Variants in SNX29 observed in about 807,000 individuals in gnomAD.
The protein encoded by SNX29 is sorting nexin 29.
SNX29 carries 78 observed loss-of-function variants against 102.1 expected under a neutral mutation model. That is an observed-to-expected ratio of 0.76 (90% CI 0.64 to 0.92). The LOEUF is 0.92. SNX29 is among the 40% of genes least tolerant of loss of function. SNX29 has a pLI of 0.00. For synonymous variants in SNX29, 580 were observed against 414.5 expected (o/e 1.40, Z -4.85); for missense variants, 1,280 against 1,061.7 (o/e 1.21, Z -2.86).
chr16:12,560,422 G>T (rs887079638), intron 20 of SNX29, among the ~76,000 whole-genome samples: 5 of 152,174 alleles, frequency 3.3e-5, no homozygotes, highest in Non-Finnish European at 7.3e-5. Context: ...TGTCTGTCCT[G>T]TAGGCATCCA....
chr16:12,179,502 A>C (rs1360720721), intron 13 of SNX29, among the ~76,000 whole-genome samples: 1 of 152,238 alleles, frequency 6.6e-6, no homozygotes, highest in African/African-American at 2.4e-5. Flanking sequence ...ACAAACTGGC[A>C]TATGTTTCCC....
At chr16:12,125,326 A>G (rs928195335) in intron 11 of SNX29, among the ~76,000 whole-genome samples, 4 of 152,140 alleles carry the variant, frequency 2.6e-5, no homozygotes, top group African/African-American at 9.7e-5. Context: ...GGAAGGTCTG[A>G]CAGCTCGTCT....
chr16:12,429,106 T>A (rs546192222), intron 18 of SNX29, among the ~76,000 whole-genome samples: 1 of 152,332 alleles, frequency 6.6e-6, no homozygotes, highest in Admixed American at 6.5e-5. Flanking sequence ...CAGATACGAT[T>A]GCGATTAATA....
chr16:12,403,934 G>C (rs1039391072), intron 18 of SNX29, among the ~76,000 whole-genome samples: 1 of 152,142 alleles, frequency 6.6e-6, no homozygotes, highest in Non-Finnish European at 1.5e-5. Context: ...CCAGCTGTCC[G>C]TGGGTTGACA....
At chr16:12,482,313 C>A (rs916863652) in intron 19 of SNX29, among the ~76,000 whole-genome samples, 1 of 151,460 alleles carries the variant, frequency 6.6e-6, no homozygotes, top group African/African-American at 2.4e-5. Flanking sequence ...TTTTCCCTTC[C>A]TTTCCTTTCA....
intron 20 of SNX29, among the ~76,000 whole-genome samples, chr16:12,541,376 G>A (rs576030740): frequency 6.6e-6 from 1 of 152,302 alleles, no homozygotes; most frequent in Non-Finnish European, 1.5e-5. Context: ...TATGAGGGCA[G>A]TTACCATGTG....
At chr16:12,507,568 C>T (rs573847617) in intron 19 of SNX29, among the ~76,000 whole-genome samples, 53 of 151,800 alleles carry the variant, frequency 3.5e-4, no homozygotes, top group Non-Finnish European at 6.5e-4. Context: ...TGAGCCTTCA[C>T]CATCCCCTGG....
chr16:12,552,346 G>A (rs896848990), intron 20 of SNX29, among the ~76,000 whole-genome samples: 1 of 152,098 alleles, frequency 6.6e-6, no homozygotes, highest in Non-Finnish European at 1.5e-5. Context: ...CTTCTGTGAG[G>A]GTTTAATAAG....
At chr16:12,026,199 G>A (rs985366400) in intron 3 of SNX29, among the ~76,000 whole-genome samples, 6 of 152,304 alleles carry the variant, frequency 3.9e-5, no homozygotes, top group South Asian at 2.1e-4. Context: ...TATCCAGCTC[G>A]TAATTCCAAG....
intron 14 of SNX29, among the ~76,000 whole-genome samples, chr16:12,254,656 AAG>A (rs904038633): frequency 3.9e-5 from 6 of 151,954 alleles, no homozygotes; most frequent in Non-Finnish European, 7.4e-5. Context: ...AAAAAAAAAA[AAG>A]GTGAAGGACT....
Position 12,111,281 on chromosome 16 carries a change from C to A in SNX29, c.1403-15352C>A, listed in dbSNP as rs1567215603. 3.3e-5 allele frequency among the ~76,000 whole-genome samples: 5 copies of A among 152,190 alleles called. No individual in the cohort carries two copies. In the South Asian group the frequency reaches 1.0e-3, roughly 32 times the overall value. Reference sequence around the variant, plus strand: ...AGTCAGCTCACTTCCCTGCCCAGCACCCTGCTGTGGCCTCGTTCTGCACTT... The same window carrying A: ...AGTCAGCTCACTTCCCTGCCCAGCAACCTGCTGTGGCCTCGTTCTGCACTT... On this transcript the variant is annotated intron_variant, in intron 11 of 20. Coordinates refer to ENST00000566228, the MANE Select transcript of SNX29 (RefSeq NM_032167.5).
intron 20 of SNX29, chr16:12,546,204 C>T (rs12929685): frequency 0.27 from 41,159 of 152,026 alleles, 6,445 homozygotes; most frequent in East Asian, 0.51. Context: ...TAACGAGGGA[C>T]GTAGGAGGTA....
chr16:12,443,651 A>G (rs2085909629), intron 18 of SNX29, among the ~76,000 whole-genome samples: 2 of 152,268 alleles, frequency 1.3e-5, no homozygotes, highest in East Asian at 1.9e-4. Flanking sequence ...GGTTTTCACT[A>G]TGTTGACCAG....
intron 15 of SNX29, among the ~76,000 whole-genome samples, chr16:12,324,782 AC>A (rs2081067358): frequency 6.6e-6 from 1 of 152,038 alleles, no homozygotes; most frequent in African/African-American, 2.4e-5. Context: ...GGGCCTCCTG[AC>A]CCAGCAATCC....
rs533877939 is a variant in SNX29 at position 12,516,586 on chromosome 16, T to G, written c.2179-8116T>G. On this transcript the variant is annotated intron_variant, in intron 19 of 20. Coordinates refer to ENST00000566228, the MANE Select transcript of SNX29 (RefSeq NM_032167.5). Reference sequence around the variant, plus strand: ...CAACATTCTAGAATTCTCTAGCCAGTGACAAGTTCCTATATCAGCTGACTC... The same window carrying G: ...CAACATTCTAGAATTCTCTAGCCAGGGACAAGTTCCTATATCAGCTGACTC... 4.6e-5 allele frequency among the ~76,000 whole-genome samples: 7 copies of G among 151,876 alleles called. 1 individual carries two copies. In the South Asian group the frequency reaches 1.5e-3, roughly 32 times the overall value.
Position 12,573,571 on chromosome 16 carries a change from A to C in SNX29, c.*4942A>C, listed in dbSNP as rs1243882795. On this transcript the variant is annotated 3_prime_UTR_variant, in exon 21 of 21. Transcript: ENST00000566228. ...TCCCATCCTAACCGGAAAACCACTC[A>C]CCCAGGCTTCCCCCACTTCCCCTCA... The C allele has an allele frequency of 8.9e-6, 2 of 223,560 alleles. No individual in the cohort carries two copies. The highest frequency in any genetic ancestry group is 1.4e-3 in the Middle Eastern group (1 of 730). 13.8% of individuals were successfully genotyped at this position (223,560 alleles called of 1,614,324 possible).
intron 18 of SNX29, among the ~76,000 whole-genome samples, chr16:12,474,001 C>T (rs1011856775): frequency 6.6e-6 from 1 of 152,176 alleles, no homozygotes; most frequent in Admixed American, 6.5e-5. Context: ...TTTCATTTTA[C>T]TCTACAGACT....
intron 18 of SNX29, among the ~76,000 whole-genome samples, chr16:12,424,891 A>G (rs566546054): frequency 2.0e-5 from 3 of 152,212 alleles, no homozygotes; most frequent in Non-Finnish European, 2.9e-5. Context: ...GGAGAAAATT[A>G]ATACTAATCA....
intron 20 of SNX29, among the ~76,000 whole-genome samples, chr16:12,553,463 G>T (rs914280673): frequency 1.3e-5 from 2 of 152,174 alleles, no homozygotes; most frequent in African/African-American, 2.4e-5. Context: ...GACCAGCTCA[G>T]ACCAGCCCCA....
Sources: gnomAD v4.1 joint callset for allele counts (sites outside exome capture counted in the v4.1 genomes callset) on GRCh38, gnomAD v4.1.1 for gene constraint, MANE v1.5 for transcripts, NCBI Gene and HGNC (gene_info 2026-07-23, HGNC 2026-07-21) for gene names.